PLEKHM1: variants seen among roughly 807,000 people sequenced by gnomAD.
PLEKHM1 encodes pleckstrin homology and RUN domain containing M1, also known as pleckstrin homology domain-containing family M member 1.
A neutral mutation model predicts 94.3 loss-of-function variants in PLEKHM1; 28 were observed. That is an observed-to-expected ratio of 0.30 (90% confidence interval 0.22 to 0.41). The LOEUF (loss-of-function observed/expected upper bound fraction) is 0.41, where lower values mean the gene tolerates loss of function less well. PLEKHM1 is among the 10% of genes least tolerant of loss of function. PLEKHM1 has a pLI of 1.00. For synonymous variants in PLEKHM1, 424 were observed against 581.2 expected (o/e 0.73, Z 3.89); for missense variants, 907 against 1,358.6 (o/e 0.67, Z 5.22).
At chr17:45,487,778 C>A (rs1180188042) in intron 1 of PLEKHM1, 1 of 456,010 alleles carries the variant, frequency 2.2e-6, no homozygotes, top group African/African-American at 2.0e-5. Context: ...AAACACTCCA[C>A]CATCAGTGAA....
chr17:45,463,542 G>A (rs1314288118), intron 5 of PLEKHM1, among the ~76,000 whole-genome samples: 2 of 152,206 alleles, frequency 1.3e-5, no homozygotes, highest in East Asian at 1.9e-4. Flanking sequence ...ACAGGCTCAC[G>A]CCATCATGCC....
intron 6 of PLEKHM1, chr17:45,456,528 C>T (rs929866540): frequency 1.6e-4 from 25 of 152,276 alleles, no homozygotes; most frequent in African/African-American, 5.8e-4. Flanking sequence ...ATGGGGGTTC[C>T]CTGCCCCTCA....
Position 45,458,346 on chromosome 17 carries a change from T to C in PLEKHM1, c.1402A>G (p.Arg468Gly). The stretch of plus-strand genomic sequence containing the variant: ...CCAGGCCTTGACCCTGGAGTCCCCC[T>C]GTAAGAAGCTATTGGGTGGTCTGAA... Reference protein sequence around the residue: ...SASDHPIASYRGTPGSRPGLH... With the variant: ...SASDHPIASYGGTPGSRPGLH... Residue 468 changes from arginine to glycine, a missense_variant, in exon 6 of 12, where the codon AGG (arginine) becomes GGG (glycine). By Grantham distance (125) the Arg-to-Gly change is moderately radical (BLOSUM62 -2). Transcript: ENST00000430334. 1.2e-6 allele frequency: 2 copies of C among 1,614,006 alleles called. No homozygotes were observed. The highest frequency in any genetic ancestry group is 1.7e-5 in the Admixed American group (1 of 60,012).
intron 7 of PLEKHM1, among the ~76,000 whole-genome samples, chr17:45,451,146 TC>T (rs2050762866): frequency 6.6e-6 from 1 of 151,844 alleles, no homozygotes; most frequent in Non-Finnish European, 1.5e-5. Context: ...AATGCCAGCC[TC>T]CTCTAGGTCC....
At position 45,447,589 on chromosome 17, in the gene PLEKHM1, CCAGCCAGGCCTCAGCACCAGTGGGT is replaced by C. The variant is rs1351419886; in HGVS notation, c.2644-1951_2644-1927del. On this transcript the variant is annotated intron_variant, in intron 8 of 11. Transcript: ENST00000430334. ...CTCCTGGGCTGACATCCTGCCAGTG[CCAGCCAGGCCTCAGCACCAGTGGGT>C]CAGCCAGGCCTCAGCACCAGTGGGT... Among the ~76,000 whole-genome samples, 76 of 152,254 alleles carry C rather than the reference CCAGCCAGGCCTCAGCACCAGTGGGT, an allele frequency of 5.0e-4. 2 individuals carry two copies. Among genetic ancestry groups the C allele is most frequent in the African/African-American group, 1.7e-3 (70 of 41,500 alleles).
intron 4 of PLEKHM1, among the ~76,000 whole-genome samples, chr17:45,473,849 C>A (rs536708970): frequency 6.6e-6 from 1 of 150,944 alleles, no homozygotes; most frequent in Non-Finnish European, 1.5e-5. Context: ...TGAGCCACTG[C>A]GCCCAGCTGA....
chr17:45,469,479 A>G (rs1469307916), intron 4 of PLEKHM1, among the ~76,000 whole-genome samples: 1 of 152,200 alleles, frequency 6.6e-6, no homozygotes, highest in African/African-American at 2.4e-5. Flanking sequence ...CATTTTGAAA[A>G]TAAACCCGTT....
At chr17:45,470,448 G>A (rs540151284) in intron 4 of PLEKHM1, among the ~76,000 whole-genome samples, 1 of 152,420 alleles carries the variant, frequency 6.6e-6, no homozygotes, top group South Asian at 2.1e-4. Context: ...GGCCAACATA[G>A]TGAAACCCTG....
At chr17:45,466,757 C>T (rs1166812327) in intron 5 of PLEKHM1, among the ~76,000 whole-genome samples, 2 of 152,106 alleles carry the variant, frequency 1.3e-5, no homozygotes, top group African/African-American at 4.8e-5. Context: ...TAAAGAGCAA[C>T]TAGAATGCTC....
At chr17:45,439,744 C>CT in intron 10 of PLEKHM1, 110 bp from the exon 11 acceptor site, 6 of 1,429,336 alleles carry the variant, frequency 4.2e-6, no homozygotes, top group Non-Finnish European at 4.9e-6. Flanking sequence ...GCCATGGCAC[C>CT]CTGCCTGGAG....
intron 5 of PLEKHM1, among the ~76,000 whole-genome samples, 191 bp downstream of exon 5, chr17:45,468,018 G>A (rs1361008782): frequency 1.3e-5 from 2 of 152,228 alleles, no homozygotes; most frequent in East Asian, 1.9e-4. Context: ...AGAAACAGCC[G>A]GGCTTATATC....
intron 1 of PLEKHM1, among the ~76,000 whole-genome samples, chr17:45,487,497 C>A (rs1337444730): frequency 2.0e-5 from 3 of 152,200 alleles, no homozygotes; most frequent in South Asian, 2.1e-4. Context: ...CTGAAACCAA[C>A]AAGAAACAGT....
intron 4 of PLEKHM1, among the ~76,000 whole-genome samples, chr17:45,471,915 C>T (rs964787612): frequency 3.3e-5 from 5 of 151,684 alleles, no homozygotes; most frequent in African/African-American, 1.2e-4. Context: ...TAATACAGAT[C>T]CAATCTACAC....
At chr17:45,457,750 T>A (rs943663774) in intron 6 of PLEKHM1, among the ~76,000 whole-genome samples, 1 of 151,782 alleles carries the variant, frequency 6.6e-6, no homozygotes, top group African/African-American at 2.4e-5. Flanking sequence ...ACAAAACAAA[T>A]AGCAGATTTG....
chr17:45,490,180 G>C (rs1430267104), intron 1 of PLEKHM1, among the ~76,000 whole-genome samples: 1 of 152,002 alleles, frequency 6.6e-6, no homozygotes, highest in East Asian at 1.9e-4. Context: ...TGGGGAGCTA[G>C]ACGGGGGATG....
intron 1 of PLEKHM1, among the ~76,000 whole-genome samples, chr17:45,485,650 C>A (rs1179232035): frequency 1.3e-5 from 2 of 152,076 alleles, no homozygotes; most frequent in Non-Finnish European, 2.9e-5. Flanking sequence ...GTAATCCCAG[C>A]ACTTTGGGAG....
rs144621291 is a variant in PLEKHM1, at chr17:45,458,400, G to T, written c.1348C>A (p.Pro450Thr). Residue 450 changes from proline (P) to threonine (T), a missense_variant, in exon 6 of 12, where the codon CCT (proline) becomes ACT (threonine). Physicochemically the swap from Pro to Thr is conservative, Grantham distance 38. Around this residue, in one of 3 missense-constraint regions of PLEKHM1, gnomAD observed 477 missense variants for 601.5 expected, o/e 0.79. Coordinates refer to ENST00000430334, the MANE Select transcript of PLEKHM1 (RefSeq NM_014798.3). Reference protein sequence around the residue: ...SWISEDDFYRPSREQPLESAS... With the variant: ...SWISEDDFYRTSREQPLESAS... ...CTCTCCAGGGGTTGCTCCCGGGAAG[G>T]CCGGTAGAAGTCATCCTCTGAGATC... The T allele has an allele frequency of 6.6e-4, 1,062 of 1,613,810 alleles. No individual in the cohort carries two copies. Among genetic ancestry groups the T allele is most frequent in the Non-Finnish European group, 8.4e-4 (995 of 1,179,672 alleles).
At chr17:45,483,018 C>A (rs2052004260) in intron 1 of PLEKHM1, among the ~76,000 whole-genome samples, 1 of 151,902 alleles carries the variant, frequency 6.6e-6, no homozygotes, top group African/African-American at 2.4e-5. Flanking sequence ...CCCAGTCCAA[C>A]ATCTGCCAGC....
In PLEKHM1 at chr17:45,475,093, T is replaced by A; in HGVS notation, c.923+7A>T. 1 of 1,613,964 alleles carries A rather than the reference T, an allele frequency of 6.2e-7. No individual in the cohort carries two copies. Among genetic ancestry groups the A allele is most frequent in the Non-Finnish European group, 8.5e-7 (1 of 1,179,826 alleles). On this transcript the variant is annotated splice_region_variant and intron_variant, in intron 4 of 11. Coordinates refer to ENST00000430334, the MANE Select transcript of PLEKHM1 (RefSeq NM_014798.3). Reference sequence around the variant, plus strand: ...AAGATGGGAAGGAGTGGGGGCAGCGTACTCACTCTTGCAGAGACCGGTCTG... The same window carrying A: ...AAGATGGGAAGGAGTGGGGGCAGCGAACTCACTCTTGCAGAGACCGGTCTG...
Sources: allele counts gnomAD v4.1 joint callset (sites outside exome capture counted in the v4.1 genomes callset), GRCh38; gene constraint gnomAD v4.1.1; regional missense constraint gnomAD v4.1.1; transcripts MANE v1.5; gene names NCBI Gene and HGNC (gene_info 2026-07-23, HGNC 2026-07-21).